PDLIM5: variants seen among roughly 807,000 people sequenced by gnomAD.
PDLIM5 encodes PDZ and LIM domain protein 5.
A neutral mutation model predicts 64.2 loss-of-function variants in PDLIM5; 34 were observed. That is an observed-to-expected ratio of 0.53 (90% CI 0.40 to 0.71). The LOEUF (loss-of-function observed/expected upper bound fraction) is 0.71, where lower values mean the gene tolerates loss of function less well. Ranked by LOEUF, PDLIM5 falls within the 30% of genes least tolerant of loss-of-function variation. PDLIM5 has a pLI of 0.00. For missense variants in PDLIM5, 683 were observed against 733.6 expected (o/e 0.93, Z 0.80); for synonymous variants, 253 against 269.1 (o/e 0.94, Z 0.59).
chr4:94,663,626 A>G (rs1742908754), intron 12 of PDLIM5, among the ~76,000 whole-genome samples: 3 of 152,182 alleles, frequency 2.0e-5, no homozygotes, highest in African/African-American at 7.2e-5. Context: ...ACAAAGCAAA[A>G]TTAGGACGTT....
At chr4:94,483,614 C>T (rs962815561) in intron 2 of PDLIM5, among the ~76,000 whole-genome samples, 7 of 151,978 alleles carry the variant, frequency 4.6e-5, no homozygotes, top group Non-Finnish European at 1.0e-4. Context: ...GAAACTTGGT[C>T]ATTTGAATTA....
At chr4:94,516,982 A>C (rs1158866176) in intron 2 of PDLIM5, among the ~76,000 whole-genome samples, 1 of 152,242 alleles carries the variant, frequency 6.6e-6, no homozygotes. Context: ...TAAATGCTGA[A>C]GTGTGATATT....
intron 3 of PDLIM5, among the ~76,000 whole-genome samples, chr4:94,534,089 AAAGAG>A (rs1263295616): frequency 1.3e-5 from 2 of 152,214 alleles, no homozygotes; most frequent in Non-Finnish European, 2.9e-5. Context: ...TAGTGGCAGC[AAAGAG>A]AAACCAGTAC....
intron 7 of PDLIM5, among the ~76,000 whole-genome samples, chr4:94,589,374 G>A (rs553348226): frequency 2.6e-5 from 4 of 152,278 alleles, no homozygotes; most frequent in African/African-American, 9.6e-5. Flanking sequence ...TAAAAATGAA[G>A]TATTTAGTGT....
intron 2 of PDLIM5, among the ~76,000 whole-genome samples, chr4:94,484,557 A>C (rs1450126195): frequency 6.6e-6 from 1 of 152,166 alleles, no homozygotes; most frequent in Non-Finnish European, 1.5e-5. Context: ...TTTGTATCTC[A>C]TGTCACTCTG....
intron 9 of PDLIM5, among the ~76,000 whole-genome samples, chr4:94,647,101 A>G (rs1036600076): frequency 4.6e-5 from 7 of 152,206 alleles, no homozygotes; most frequent in African/African-American, 9.6e-5. Flanking sequence ...CAAAAAAGGC[A>G]TACAACATAG....
intron 9 of PDLIM5, among the ~76,000 whole-genome samples, chr4:94,647,144 C>T (rs1177137169): frequency 1.3e-5 from 2 of 152,054 alleles, no homozygotes; most frequent in African/African-American, 4.8e-5. Context: ...ACTAATAAAT[C>T]CTACTTTATC....
chr4:94,591,105 G>A (rs1736641207), intron 7 of PDLIM5, among the ~76,000 whole-genome samples: 1 of 152,096 alleles, frequency 6.6e-6, no homozygotes, highest in African/African-American at 2.4e-5. Context: ...AAAACACTTT[G>A]GTGTATTACA....
intron 7 of PDLIM5, among the ~76,000 whole-genome samples, chr4:94,614,311 TG>T (rs1242018283): frequency 6.6e-6 from 1 of 152,094 alleles, no homozygotes; most frequent in African/African-American, 2.4e-5. Flanking sequence ...GACAAGGTCT[TG>T]CCGTGTTGCC....
intron 10 of PDLIM5, 121 bp downstream of exon 10, chr4:94,654,761 G>A (rs1742085590): frequency 1.5e-6 from 1 of 649,378 alleles, no homozygotes. Context: ...CTCTGCTTTC[G>A]GCACTATTTA....
intron 2 of PDLIM5, among the ~76,000 whole-genome samples, chr4:94,462,218 G>C (rs913638788): frequency 1.3e-5 from 2 of 152,078 alleles, no homozygotes; most frequent in African/African-American, 4.8e-5. Context: ...ATACACGAGC[G>C]TATAGGGGGA....
intron 2 of PDLIM5, among the ~76,000 whole-genome samples, chr4:94,507,960 T>C (rs1393306437): frequency 1.3e-5 from 2 of 152,134 alleles, no homozygotes; most frequent in African/African-American, 4.8e-5. Context: ...TGACATTGCT[T>C]AATAGATTTT....
intron 7 of PDLIM5, among the ~76,000 whole-genome samples, chr4:94,603,170 T>A (rs1042294240): frequency 6.6e-6 from 1 of 152,160 alleles, no homozygotes; most frequent in East Asian, 1.9e-4. Flanking sequence ...TTGTAGAGAA[T>A]GTTAAGCACT....
rs972653442 is a variant in PDLIM5, at chr4:94,542,913, C to T, written c.248+19038C>T. Among the ~76,000 whole-genome samples the T allele has an allele frequency of 3.9e-5, 6 of 152,152 alleles. No individual in the cohort carries two copies. In the South Asian group the frequency reaches 1.0e-3, roughly 26 times the overall value. ...AATTTAAAAAATATACTTACTGGGGCACTAAATACATTTTTGTAATTCATT... is the reference window on the plus strand; with the variant it reads ...AATTTAAAAAATATACTTACTGGGGTACTAAATACATTTTTGTAATTCATT... On this transcript the variant is annotated intron_variant, in intron 3 of 12. Transcript: ENST00000317968.
At chr4:94,546,327 C>G (rs1054672612) in intron 3 of PDLIM5, among the ~76,000 whole-genome samples, 1 of 152,112 alleles carries the variant, frequency 6.6e-6, no homozygotes, top group African/African-American at 2.4e-5. Flanking sequence ...CCCACCCGGC[C>G]CCACACATCT....
chr4:94,463,295 A>C (rs1243987360), intron 2 of PDLIM5, among the ~76,000 whole-genome samples: 1 of 152,210 alleles, frequency 6.6e-6, no homozygotes. Flanking sequence ...TCAAAAATCC[A>C]TGTGTAACTT....
chr4:94,578,608 A>G (rs1326169416), intron 5 of PDLIM5, among the ~76,000 whole-genome samples: 2 of 152,158 alleles, frequency 1.3e-5, no homozygotes. Flanking sequence ...ATAAAAATAA[A>G]TTACACACTT....
chr4:94,513,783 G>A (rs1013447481), intron 2 of PDLIM5, among the ~76,000 whole-genome samples: 1 of 152,138 alleles, frequency 6.6e-6, no homozygotes, highest in Non-Finnish European at 1.5e-5. Context: ...GATGAAAATG[G>A]CCATTCTTGT....
rs978014201 is a variant in PDLIM5 at position 94,462,058 on chromosome 4, G to A, written c.96+6674G>A. Among the ~76,000 whole-genome samples the A allele has an allele frequency of 8.5e-5, 13 of 152,240 alleles. No individual in the cohort carries two copies. In the East Asian group the frequency reaches 2.5e-3, roughly 29 times the overall value. ...TTTTTGTATTTGTGGTAGAGACAGA[G>A]TTTCACCATGTTGGCCAGTCTGGTC... On this transcript the variant is annotated intron_variant, in intron 2 of 12. Coordinates refer to ENST00000317968, the MANE Select transcript of PDLIM5 (RefSeq NM_006457.5).
Sources: allele counts gnomAD v4.1 joint callset (sites outside exome capture counted in the v4.1 genomes callset), GRCh38; gene constraint gnomAD v4.1.1; transcripts MANE v1.5; gene names NCBI Gene and HGNC (gene_info 2026-07-23, HGNC 2026-07-21).